DTNBP1: variants seen among roughly 807,000 people sequenced by gnomAD.
The protein encoded by DTNBP1 is dysbindin.
Under a neutral mutation model 42.8 loss-of-function variants are expected in DTNBP1, and 35 were observed. That is an observed-to-expected ratio of 0.82 (90% CI 0.63 to 1.09). The LOEUF (loss-of-function observed/expected upper bound fraction) is 1.09. Ranked by LOEUF, DTNBP1 falls within the 50% of genes least tolerant of loss-of-function variation. The pLI is 0.00. For synonymous variants in DTNBP1, 171 were observed against 162.2 expected (o/e 1.05, Z -0.41); for missense variants, 457 against 424.2 (o/e 1.08, Z -0.68).
At chr6:15,597,231 T>C (rs1755064037) in intron 6 of DTNBP1, among the ~76,000 whole-genome samples, 2 of 152,262 alleles carry the variant, frequency 1.3e-5, no homozygotes, top group Middle Eastern at 6.8e-3. Flanking sequence ...GCTTTGGTAA[T>C]GACATGCTGA....
intron 7 of DTNBP1, among the ~76,000 whole-genome samples, chr6:15,542,986 C>T (rs578120404): frequency 5.1e-4 from 77 of 152,260 alleles, no homozygotes; most frequent in African/African-American, 1.8e-3. Flanking sequence ...AGGCATGAGA[C>T]ACCGTGCCCG....
intron 3 of DTNBP1, among the ~76,000 whole-genome samples, chr6:15,647,089 T>G (rs1760727327): frequency 6.6e-6 from 1 of 152,054 alleles, no homozygotes; most frequent in African/African-American, 2.4e-5. Flanking sequence ...GAGAAAGTTT[T>G]TGCAAACTAT....
At chr6:15,591,339 A>G (rs1776291263) in intron 7 of DTNBP1, among the ~76,000 whole-genome samples, 1 of 152,022 alleles carries the variant, frequency 6.6e-6, no homozygotes, top group South Asian at 2.1e-4. Context: ...ACCTCAGGTG[A>G]TCCCCCTCGG....
intron 9 of DTNBP1, 133 bp from the exon 10 acceptor site, chr6:15,523,352 G>C: frequency 7.4e-7 from 1 of 1,343,960 alleles, no homozygotes. Context: ...GGGGCCTGCA[G>C]AACTTGGGAA....
chr6:15,593,886 T>G (rs771222745), intron 6 of DTNBP1, among the ~76,000 whole-genome samples: 6 of 152,196 alleles, frequency 3.9e-5, no homozygotes, highest in Non-Finnish European at 7.3e-5. Context: ...CAGGTTTTAC[T>G]AAAAATCTAG....
chr6:15,579,325 T>C (rs930936186), intron 7 of DTNBP1, among the ~76,000 whole-genome samples: 4 of 152,178 alleles, frequency 2.6e-5, no homozygotes, highest in Admixed American at 1.3e-4. Flanking sequence ...CACTCATATA[T>C]GGAAGCTAAA....
At chr6:15,652,244 T>G (rs922823442) in intron 1 of DTNBP1, 104 bp from the exon 2 acceptor site, 2 of 851,786 alleles carry the variant, frequency 2.3e-6, no homozygotes, top group African/African-American at 1.7e-5. Context: ...TGCAGTGACA[T>G]GTACATTACT....
chr6:15,522,961 GC>G lies in DTNBP1; in HGVS notation c.*13del. The G allele has an allele frequency of 1.9e-6, 3 of 1,614,170 alleles. No individual in the cohort carries two copies. The highest frequency in any genetic ancestry group is 2.5e-6 in the Non-Finnish European group (3 of 1,180,010). Reference sequence around the variant, plus strand: ...CTGGATTCCAGTGTGGCCAGACAACGCCCATGTCCCAATTTAAGAGTCGCTG... The same window carrying G: ...CTGGATTCCAGTGTGGCCAGACAACGCCATGTCCCAATTTAAGAGTCGCTG... On this transcript the variant is annotated 3_prime_UTR_variant, in exon 10 of 10. Coordinates refer to ENST00000344537, the MANE Select transcript of DTNBP1 (RefSeq NM_032122.5).
intron 6 of DTNBP1, among the ~76,000 whole-genome samples, chr6:15,605,949 T>A (rs958330218): frequency 6.6e-6 from 1 of 152,242 alleles, no homozygotes; most frequent in African/African-American, 2.4e-5. Flanking sequence ...AACAGTAATA[T>A]CATTTTACAT....
At chr6:15,540,518 T>G (rs1039990559) in intron 7 of DTNBP1, among the ~76,000 whole-genome samples, 1 of 152,248 alleles carries the variant, frequency 6.6e-6, no homozygotes, top group African/African-American at 2.4e-5. Flanking sequence ...CTTTAAAAGT[T>G]TGATTCTCTC....
At chr6:15,610,199 C>T (rs759665891) in intron 6 of DTNBP1, among the ~76,000 whole-genome samples, 2 of 152,204 alleles carry the variant, frequency 1.3e-5, no homozygotes, top group African/African-American at 2.4e-5. Context: ...ACTTCACATA[C>T]GTGCTTTCAA....
At chr6:15,576,733 C>T (rs1196712251) in intron 7 of DTNBP1, among the ~76,000 whole-genome samples, 1 of 147,852 alleles carries the variant, frequency 6.8e-6, no homozygotes, top group South Asian at 2.2e-4. Flanking sequence ...CACACCACTG[C>T]ACTCCAGCCT....
chr6:15,533,215 A>C (rs1772990381), intron 8 of DTNBP1, 25 bp downstream of exon 8: 2 of 1,612,346 alleles, frequency 1.2e-6, no homozygotes, highest in Admixed American at 3.3e-5. Context: ...GAGTCCCCAC[A>C]CCAGCAGCCC....
intron 1 of DTNBP1, among the ~76,000 whole-genome samples, chr6:15,657,013 AT>A (rs968005114): frequency 2.0e-5 from 3 of 152,010 alleles, no homozygotes; most frequent in Non-Finnish European, 4.4e-5. Context: ...AGTGTTCATC[AT>A]TTTTTTTCTC....
chr6:15,646,132 T>C (rs1468062707), intron 3 of DTNBP1, among the ~76,000 whole-genome samples: 2 of 151,614 alleles, frequency 1.3e-5, no homozygotes, highest in Non-Finnish European at 3.0e-5. Flanking sequence ...CTCCACAGCA[T>C]CAACTCATTT....
intron 1 of DTNBP1, among the ~76,000 whole-genome samples, chr6:15,661,834 G>C (rs929389880): frequency 6.6e-6 from 1 of 152,336 alleles, no homozygotes; most frequent in South Asian, 2.1e-4. Context: ...CATGATGCTT[G>C]CTTCGTGTTT....
intron 7 of DTNBP1, among the ~76,000 whole-genome samples, chr6:15,585,158 A>G (rs2113596407): frequency 6.8e-6 from 1 of 147,600 alleles, no homozygotes; most frequent in East Asian, 2.0e-4. Flanking sequence ...TCCATATTGA[A>G]AATCAGCCAT....
intron 7 of DTNBP1, among the ~76,000 whole-genome samples, chr6:15,571,307 A>C (rs1775330506): frequency 6.6e-6 from 1 of 152,238 alleles, no homozygotes; most frequent in East Asian, 1.9e-4. Context: ...TACATAAAAG[A>C]AAAGATTTTG....
intron 1 of DTNBP1, among the ~76,000 whole-genome samples, chr6:15,653,643 A>G (rs748735860): frequency 2.6e-5 from 4 of 152,228 alleles, no homozygotes; most frequent in Non-Finnish European, 5.9e-5. Flanking sequence ...GGACTCTGTT[A>G]CAGATAACTG....
Sources: gnomAD v4.1 joint callset for allele counts (sites outside exome capture counted in the v4.1 genomes callset) on GRCh38, gnomAD v4.1.1 for gene constraint, MANE v1.5 for transcripts, NCBI Gene and HGNC (gene_info 2026-07-23, HGNC 2026-07-21) for gene names.